Variants in MICU1 observed in about 807,000 individuals in gnomAD.
MICU1 encodes the protein calcium uptake protein 1, mitochondrial.
A neutral mutation model predicts 56.8 loss-of-function variants in MICU1; 45 were observed. That is an observed-to-expected ratio of 0.79 (90% CI 0.62 to 1.02). The LOEUF is 1.02. Among genes scored for constraint, MICU1 ranks in the 50% least tolerant of loss-of-function variants. The pLI, the probability that MICU1 is intolerant of heterozygous loss-of-function variation, is 0.00. For synonymous variants in MICU1, 186 were observed against 195.1 expected (o/e 0.95, Z 0.39); for missense variants, 504 against 587.1 (o/e 0.86, Z 1.46).
chr10:72,497,368 T>A (rs1866881562), intron 6 of MICU1, among the ~76,000 whole-genome samples: 2 of 152,104 alleles, frequency 1.3e-5, no homozygotes, highest in Admixed American at 1.3e-4. Context: ...CAAATAAGCA[T>A]CTTTATAAGT....
At chr10:72,557,862 C>T (rs534386116) in intron 3 of MICU1, among the ~76,000 whole-genome samples, 12 of 152,232 alleles carry the variant, frequency 7.9e-5, no homozygotes, top group African/African-American at 2.9e-4. Flanking sequence ...TAAACTGAGT[C>T]GAGTGTCCAG....
chr10:72,375,710 G>C (rs1862493554), intron 11 of MICU1, 73 bp downstream of exon 11: 1 of 1,383,922 alleles, frequency 7.2e-7, no homozygotes, highest in South Asian at 1.3e-5. Flanking sequence ...TGTCCGCAAG[G>C]CTCCATTATA....
chr10:72,494,929 A>C (rs1866788533), intron 6 of MICU1, among the ~76,000 whole-genome samples: 1 of 152,174 alleles, frequency 6.6e-6, no homozygotes, highest in Non-Finnish European at 1.5e-5. Flanking sequence ...CACAGTGTAC[A>C]GCCTATCTAT....
chr10:72,569,615 GGTTA>G (rs778447025), intron 1 of MICU1, among the ~76,000 whole-genome samples: 6 of 152,056 alleles, frequency 3.9e-5, no homozygotes, highest in Non-Finnish European at 5.9e-5. Flanking sequence ...GTTGAGACTG[GGTTA>G]GTCAGCAAAA....
At chr10:72,396,349 G>A (rs1178757345) in intron 10 of MICU1, among the ~76,000 whole-genome samples, 4 of 152,210 alleles carry the variant, frequency 2.6e-5, no homozygotes, top group East Asian at 1.9e-4. Context: ...CAGAAAAGCT[G>A]AAAATTCTAA....
chr10:72,573,923 A>G (rs1840678613), intron 1 of MICU1, among the ~76,000 whole-genome samples: 1 of 152,186 alleles, frequency 6.6e-6, no homozygotes, highest in Admixed American at 6.5e-5. Flanking sequence ...TATTTTGAGT[A>G]CTGGCACATT....
At chr10:72,430,945 G>A (rs1428200419) in intron 8 of MICU1, among the ~76,000 whole-genome samples, 1 of 151,810 alleles carries the variant, frequency 6.6e-6, no homozygotes, top group Non-Finnish European at 1.5e-5. Context: ...TTTATAAAAT[G>A]GTATCACAGT....
chr10:72,552,769 G>A (rs1840066106), intron 3 of MICU1, among the ~76,000 whole-genome samples: 1 of 152,178 alleles, frequency 6.6e-6, no homozygotes, highest in African/African-American at 2.4e-5. Context: ...AGCCAGGCTG[G>A]TCTCGAACGC....
At chr10:72,542,826 C>A (rs6480626) in intron 4 of MICU1, among the ~76,000 whole-genome samples, 86,140 of 152,050 alleles carry the variant, frequency 0.57, 25,726 homozygotes, top group Non-Finnish European at 0.67. Flanking sequence ...GTCGCACGAA[C>A]AAATTGAAAG....
chr10:72,460,628 G>A (rs1008019769), intron 8 of MICU1, among the ~76,000 whole-genome samples: 3 of 152,164 alleles, frequency 2.0e-5, no homozygotes, highest in African/African-American at 7.2e-5. Context: ...TTTGCTCAAA[G>A]TATGAATTCA....
chr10:72,445,565 T>C (rs1232032200), intron 8 of MICU1, among the ~76,000 whole-genome samples: 3 of 152,200 alleles, frequency 2.0e-5, no homozygotes, highest in Non-Finnish European at 4.4e-5. Flanking sequence ...GGGAAATACT[T>C]TTTGCAGCAC....
intron 10 of MICU1, among the ~76,000 whole-genome samples, chr10:72,397,413 A>C (rs1351979213): frequency 1.3e-5 from 2 of 152,216 alleles, no homozygotes; most frequent in Non-Finnish European, 2.9e-5. Context: ...TAATGACAGA[A>C]TCAAATTCAC....
intron 1 of MICU1, among the ~76,000 whole-genome samples, chr10:72,569,229 A>ATTTT (rs1246062078): frequency 1.9e-3 from 72 of 37,722 alleles, no homozygotes; most frequent in African/African-American, 4.1e-3. Flanking sequence ...ATATATATAT[A>ATTTT]TATATATATT....
At chr10:72,530,464 C>T (rs912486656) in intron 5 of MICU1, among the ~76,000 whole-genome samples, 16 of 151,648 alleles carry the variant, frequency 1.1e-4, no homozygotes, top group Admixed American at 7.2e-4. Flanking sequence ...AATCCGAACT[C>T]TTTCAAGATT....
intron 5 of MICU1, among the ~76,000 whole-genome samples, chr10:72,518,139 T>TCTCCTGCCTCAGC (rs1228835902): frequency 1.3e-5 from 2 of 152,022 alleles, no homozygotes; most frequent in African/African-American, 4.8e-5. Flanking sequence ...TTCAAGCGAT[T>TCTCCTGCCTCAGC]CTCCTGCCTC....
At position 72,548,802 on chromosome 10, in the gene MICU1, T is replaced by C. The variant is rs539251752; in HGVS notation, c.493+2377A>G. On this transcript the variant is annotated intron_variant, in intron 4 of 11. Coordinates refer to ENST00000361114, the MANE Select transcript of MICU1 (RefSeq NM_001195518.2). The stretch of plus-strand genomic sequence containing the variant: ...ACCTCCGCCTCCTGGGTTCAAGTGA[T>C]TCTCCTGCCTCAGCCTCCTGAGTAG... Among the ~76,000 whole-genome samples, 66 of 152,288 alleles carry C rather than the reference T, an allele frequency of 4.3e-4. 1 individual carries two copies. The South Asian group carries it at 0.013, about 31-fold the overall frequency.
rs1021367098 is a variant in MICU1 at position 72,390,637 on chromosome 10, C to T, written c.1181-14765G>A. Among the ~76,000 whole-genome samples, 9 of 152,164 alleles carry T rather than the reference C, an allele frequency of 5.9e-5. 1 individual carries two copies. In the South Asian group the frequency reaches 1.9e-3, roughly 32 times the overall value. On this transcript the variant is annotated intron_variant, in intron 10 of 11. Transcript: ENST00000361114. ...AGCCAAGGAAGAGACAGTGCCAGGG[C>T]CTAGAAGGTGCCAATTTCTGAAGGT...
intron 6 of MICU1, among the ~76,000 whole-genome samples, chr10:72,496,012 G>A (rs1332932121): frequency 6.6e-6 from 1 of 151,832 alleles, no homozygotes; most frequent in Non-Finnish European, 1.5e-5. Flanking sequence ...TGTCACCCAG[G>A]CTAGAGTGCA....
At chr10:72,399,808 C>T (rs538487351) in intron 10 of MICU1, among the ~76,000 whole-genome samples, 84 of 151,132 alleles carry the variant, frequency 5.6e-4, no homozygotes, top group Non-Finnish European at 8.4e-4. Flanking sequence ...ACTAAAAATA[C>T]AAAAATTAGC....
Sources: allele counts gnomAD v4.1 joint callset (sites outside exome capture counted in the v4.1 genomes callset), GRCh38; gene constraint gnomAD v4.1.1; transcripts MANE v1.5; gene names NCBI Gene and HGNC (gene_info 2026-07-23, HGNC 2026-07-21).